TRIM16: variants seen among roughly 807,000 people sequenced by gnomAD.
The protein encoded by TRIM16 is tripartite motif containing 16.
Under a neutral mutation model 50.4 loss-of-function variants are expected in TRIM16, and 33 were observed. The observed-to-expected ratio is 0.65, with a 90% CI of 0.50 to 0.88. The LOEUF is 0.88. Among genes scored for constraint, TRIM16 ranks in the 40% least tolerant of loss-of-function variants. The pLI is 0.00. For missense variants in TRIM16, 581 were observed against 686.8 expected (o/e 0.85, Z 1.72); for synonymous variants, 229 against 270.7 (o/e 0.85, Z 1.51).
In TRIM16 at chr17:15,628,648, C is replaced by T. The variant is rs1986224452; in HGVS notation, c.1662G>A (p.Lys554=). The T allele has an allele frequency of 6.2e-7, 1 of 1,613,336 alleles. No homozygotes were observed. Among genetic ancestry groups the T allele is most frequent in the South Asian group, 1.1e-5 (1 of 91,008 alleles). Residue 554 remains lysine (K), a synonymous_variant, in exon 12 of 12, where the codon AAG becomes AAA. Coordinates refer to ENST00000649191, the MANE Select transcript of TRIM16 (RefSeq NM_001348119.1). ...CAGTCCCCACCAAGGACGGTGCTGGCTTCTCGGGTTCCTCTCCCAGATCTA... is the reference window on the plus strand; with the variant it reads ...CAGTCCCCACCAAGGACGGTGCTGGTTTCTCGGGTTCCTCTCCCAGATCTA... The part of the protein sequence containing the change: ...RIVDLGEEPE[K]PAPSLVGTAP
intron 8 of TRIM16, among the ~76,000 whole-genome samples, chr17:15,641,168 T>C (rs1987098488): frequency 6.8e-6 from 1 of 147,832 alleles, no homozygotes; most frequent in Non-Finnish European, 1.5e-5. Flanking sequence ...ACCCTCCCAT[T>C]GAGAAACACT....
intron 7 of TRIM16, among the ~76,000 whole-genome samples, chr17:15,643,752 T>C: frequency 6.6e-6 from 1 of 152,230 alleles, no homozygotes; most frequent in Non-Finnish European, 1.5e-5. Context: ...GATAAAATCA[T>C]GTTTCCAAGT....
At position 15,631,699 on chromosome 17, in the gene TRIM16, C is replaced by A. The variant is rs1427006090; in HGVS notation, c.1031G>T (p.Arg344Ile). Residue 344 changes from arginine (R) to isoleucine (I), a missense_variant, in exon 11 of 12, where the codon AGA becomes ATA. This residue lies in a region of TRIM16 where 450 missense variants were observed against 544.3 expected (regional missense o/e 0.83). Coordinates refer to ENST00000649191, the MANE Select transcript of TRIM16 (RefSeq NM_001348119.1). ...CTGAACAACGGCAGACACTTGAGTTCTGATGTCATACTCCTCTAGAAAATC... is the reference window on the plus strand; with the variant it reads ...CTGAACAACGGCAGACACTTGAGTTATGATGTCATACTCCTCTAGAAAATC... ...EFSKEEEYDIRTQVSAVVQRK... is the reference protein window; with the variant it reads ...EFSKEEEYDIITQVSAVVQRK... The A allele has an allele frequency of 1.2e-6, 2 of 1,613,930 alleles. No individual in the cohort carries two copies. The highest frequency in any genetic ancestry group is 1.7e-6 in the Non-Finnish European group (2 of 1,179,860).
At chr17:15,669,514 T>G in intron 6 of TRIM16, among the ~76,000 whole-genome samples, 1 of 152,190 alleles carries the variant, frequency 6.6e-6, no homozygotes, top group East Asian at 1.9e-4. Context: ...ACACATCAAT[T>G]CTAAAGGGTA....
chr17:15,668,429 CT>C (rs1376315634), intron 6 of TRIM16, among the ~76,000 whole-genome samples: 1 of 152,164 alleles, frequency 6.6e-6, no homozygotes, highest in Non-Finnish European at 1.5e-5. Flanking sequence ...AAATATAAGT[CT>C]GATCATGTCA....
chr17:15,661,403 G>T (rs1161429148), intron 6 of TRIM16, among the ~76,000 whole-genome samples: 2 of 152,162 alleles, frequency 1.3e-5, no homozygotes, highest in Non-Finnish European at 1.5e-5. Context: ...TCTCTAAAAT[G>T]TAAGAAACCC....
intron 7 of TRIM16, among the ~76,000 whole-genome samples, chr17:15,647,946 C>A (rs1039103460): frequency 2.6e-5 from 4 of 152,106 alleles, no homozygotes; most frequent in African/African-American, 9.7e-5. Flanking sequence ...CCAAAGGGGG[C>A]CGGGCGTGGT....
chr17:15,634,307 C>T (rs1412928276), intron 9 of TRIM16, among the ~76,000 whole-genome samples: 6 of 138,642 alleles, frequency 4.3e-5, no homozygotes, highest in Non-Finnish European at 9.3e-5. Flanking sequence ...CTGGCCTGGG[C>T]GAAAAGAGCA....
chr17:15,671,805 A>C (rs1481899093), intron 6 of TRIM16, among the ~76,000 whole-genome samples: 1 of 152,182 alleles, frequency 6.6e-6, no homozygotes, highest in Non-Finnish European at 1.5e-5. Flanking sequence ...GAGTGATATA[A>C]ATAGTAAGTA....
At chr17:15,682,412 G>C (rs532917893) in intron 3 of TRIM16, among the ~76,000 whole-genome samples, 1 of 152,304 alleles carries the variant, frequency 6.6e-6, no homozygotes, top group South Asian at 2.1e-4. Context: ...AGGGCCTGAG[G>C]GCAGGATATT....
chr17:15,647,991 C>T (rs544215798), intron 7 of TRIM16, among the ~76,000 whole-genome samples: 18 of 151,910 alleles, frequency 1.2e-4, no homozygotes, highest in Non-Finnish European at 2.5e-4. Context: ...TTTGGGAGGC[C>T]GAGGCAGGGG....
intron 9 of TRIM16, 133 bp from the exon 10 acceptor site, chr17:15,632,807 G>A (rs1986501255): frequency 8.1e-7 from 1 of 1,233,826 alleles, no homozygotes; most frequent in Non-Finnish European, 1.1e-6. Flanking sequence ...GAAAGTACAT[G>A]TGAAGTGTCA....
At chr17:15,664,445 T>A (rs1988384934) in intron 6 of TRIM16, among the ~76,000 whole-genome samples, 1 of 152,198 alleles carries the variant, frequency 6.6e-6, no homozygotes, top group South Asian at 2.1e-4. Context: ...CTCACACCTG[T>A]AATCCCAGCA....
chr17:15,674,655 T>C (rs113087460), intron 6 of TRIM16, among the ~76,000 whole-genome samples: 4,672 of 152,026 alleles, frequency 0.031, 229 homozygotes, highest in African/African-American at 0.11. Context: ...ATTCCCTAGC[T>C]ACTTTAAAGG....
intron 6 of TRIM16, among the ~76,000 whole-genome samples, chr17:15,668,993 C>A (rs1988615956): frequency 6.6e-6 from 1 of 151,836 alleles, no homozygotes. Context: ...AAAGGCAATT[C>A]ATGGAAGAAC....
In TRIM16 at chr17:15,639,521, C is replaced by G. The variant is rs549758532; in HGVS notation, c.615+3200G>C. ...GCCCACACCAAGAAAAGCTTTTAGA[C>G]AGGTGACGGTGTTGAGAAGCCAGGG... On this transcript the variant is annotated intron_variant, in intron 8 of 11. Transcript: ENST00000649191. Among the ~76,000 whole-genome samples the G allele has an allele frequency of 7.8e-4, 116 of 148,312 alleles. 3 individuals are homozygous for G. Among genetic ancestry groups the G allele is most frequent in the African/African-American group, 2.7e-3 (109 of 39,792 alleles).
intron 7 of TRIM16, among the ~76,000 whole-genome samples, chr17:15,645,717 G>T (rs1298204929): frequency 2.0e-5 from 3 of 152,240 alleles, no homozygotes; most frequent in Admixed American, 6.5e-5. Flanking sequence ...GCCCCCTGGG[G>T]AGGGAAGCAG....
At chr17:15,678,144 G>A (rs577791427) in intron 4 of TRIM16, among the ~76,000 whole-genome samples, 93 of 151,942 alleles carry the variant, frequency 6.1e-4, no homozygotes, top group Middle Eastern at 3.4e-3. Flanking sequence ...GCGTGAACCC[G>A]GGAGGCGAAG....
rs759169874 is a variant in TRIM16, at chr17:15,636,042, G to T, written c.843C>A (p.Phe281Leu). The change falls in exon 9 of 12, where the codon TTC becomes TTA. Residue 281 changes from phenylalanine to leucine, a missense_variant. Transcript: ENST00000649191. ...GCCCCCGCAACCCCCATACCTCCAA[G>T]AACTGGACAGTGTTGCTGATGGCCG... ...RMAAISNTVQ[F>L]LEEYCKFKNT... The T allele has an allele frequency of 7.4e-6, 12 of 1,611,560 alleles. No homozygotes were observed. The highest frequency in any genetic ancestry group is 2.2e-5 in the South Asian group (2 of 90,850).
Sources: allele counts gnomAD v4.1 joint callset (sites outside exome capture counted in the v4.1 genomes callset), GRCh38; gene constraint gnomAD v4.1.1; regional missense constraint gnomAD v4.1.1; transcripts MANE v1.5; gene names NCBI Gene and HGNC (gene_info 2026-07-23, HGNC 2026-07-21).